Variants in NAALADL2 observed in about 807,000 individuals in gnomAD.
NAALADL2 encodes inactive N-acetylated-alpha-linked acidic dipeptidase-like protein 2.
A neutral mutation model predicts 87.2 loss-of-function variants in NAALADL2; 76 were observed. The ratio of observed to expected loss-of-function variants is 0.87; its 90% CI spans 0.72 to 1.05. NAALADL2 has a LOEUF of 1.05. NAALADL2 is among the 50% of genes least tolerant of loss of function. The probability of loss-of-function intolerance (pLI) is 0.00; values close to 1 mark genes in which losing one functional copy is unlikely to be tolerated. For synonymous variants in NAALADL2, 354 were observed against 331.0 expected (o/e 1.07, Z -0.75); for missense variants, 1,089 against 945.8 (o/e 1.15, Z -1.99).
chr3:174,740,166 T>C (rs1733628068), intron 3 of NAALADL2, among the ~76,000 whole-genome samples: 1 of 151,910 alleles, frequency 6.6e-6, no homozygotes, highest in South Asian at 2.1e-4. Flanking sequence ...GCAACAAACC[T>C]AATTTTTTAA....
At chr3:175,534,067 A>C (rs1734465191) in intron 9 of NAALADL2, among the ~76,000 whole-genome samples, 2 of 150,974 alleles carry the variant, frequency 1.3e-5, no homozygotes, top group Admixed American at 1.3e-4. Flanking sequence ...ATAATAAATA[A>C]ATTATTTATT....
intron 5 of NAALADL2, among the ~76,000 whole-genome samples, chr3:175,361,768 C>T (rs1765038971): frequency 1.3e-5 from 2 of 148,150 alleles, no homozygotes; most frequent in Admixed American, 6.9e-5. Flanking sequence ...CGGATATTAG[C>T]CCTTTGTCAG....
chr3:174,977,603 CT>C (rs1744534482), intron 1 of NAALADL2, among the ~76,000 whole-genome samples: 1 of 152,088 alleles, frequency 6.6e-6, no homozygotes. Flanking sequence ...AAGATGATGT[CT>C]TTTAGTTAAC....
intron 5 of NAALADL2, among the ~76,000 whole-genome samples, chr3:175,350,055 GAA>G (rs138836041): frequency 5.6e-5 from 8 of 142,448 alleles, no homozygotes; most frequent in Admixed American, 2.1e-4. Flanking sequence ...AGGCTTGATT[GAA>G]AAAAAAAAAA....
intron 1 of NAALADL2, among the ~76,000 whole-genome samples, chr3:174,523,770 A>G (rs1201887248): frequency 6.6e-6 from 1 of 151,838 alleles, no homozygotes; most frequent in African/African-American, 2.4e-5. Context: ...TGACTTTACT[A>G]CTCCTAAATT....
At chr3:175,311,679 G>A (rs1229226430) in intron 4 of NAALADL2, among the ~76,000 whole-genome samples, 1 of 116,552 alleles carries the variant, frequency 8.6e-6, no homozygotes, top group East Asian at 2.4e-4. Flanking sequence ...TTCCTTTCCT[G>A]CTTCCTTCCT....
intron 1 of NAALADL2, among the ~76,000 whole-genome samples, chr3:175,095,276 A>G (rs1192782195): frequency 6.6e-6 from 1 of 152,074 alleles, no homozygotes; most frequent in Non-Finnish European, 1.5e-5. Flanking sequence ...TTCTGCTAGA[A>G]TCAATCACCC....
intron 1 of NAALADL2, among the ~76,000 whole-genome samples, chr3:175,023,483 T>A (rs1308796556): frequency 2.6e-5 from 4 of 152,044 alleles, no homozygotes; most frequent in African/African-American, 4.8e-5. Flanking sequence ...GTTCCTGTTG[T>A]CCAGAAGAAA....
chr3:174,500,766 T>C (rs896517384), intron 1 of NAALADL2, among the ~76,000 whole-genome samples: 18 of 152,312 alleles, frequency 1.2e-4, no homozygotes, highest in Admixed American at 3.9e-4. Flanking sequence ...GTGAATTATA[T>C]TGATTACTTT....
At chr3:174,923,012 A>C (rs575793005) in intron 1 of NAALADL2, among the ~76,000 whole-genome samples, 1 of 152,130 alleles carries the variant, frequency 6.6e-6, no homozygotes, top group African/African-American at 2.4e-5. Context: ...AGATTATGCA[A>C]ACCTGAAGTT....
chr3:175,143,185 T>C, intron 2 of NAALADL2, among the ~76,000 whole-genome samples: 1 of 151,910 alleles, frequency 6.6e-6, no homozygotes. Context: ...CACATGTTCA[T>C]ACACACACTC....
rs1256176507 is a variant in NAALADL2 at position 175,707,944 on chromosome 3, C to T, written c.1897-29362C>T. Among the ~76,000 whole-genome samples the T allele has an allele frequency of 2.0e-5, 3 of 151,994 alleles. No individual in the cohort carries two copies. The East Asian group carries it at 5.8e-4, about 29-fold the overall frequency. The stretch of plus-strand genomic sequence containing the variant: ...ATATTCCAAGTTCAGGAAAAACCTC[C>T]TGGAAAACAGTGGTGTCAAACAGGG... On this transcript the variant is annotated intron_variant, in intron 11 of 13. Transcript: ENST00000454872.
At chr3:175,303,551 A>G (rs2110240043) in intron 4 of NAALADL2, among the ~76,000 whole-genome samples, 1 of 152,300 alleles carries the variant, frequency 6.6e-6, no homozygotes, top group African/African-American at 2.4e-5. Flanking sequence ...ATGAGTCTCC[A>G]TATTAGATAA....
intron 1 of NAALADL2, among the ~76,000 whole-genome samples, chr3:174,869,582 C>T (rs1328979054): frequency 6.6e-6 from 1 of 152,046 alleles, no homozygotes; most frequent in Non-Finnish European, 1.5e-5. Context: ...GCTGGATCTT[C>T]GAAGCAAAGG....
intron 2 of NAALADL2, among the ~76,000 whole-genome samples, chr3:174,699,832 A>G (rs1729382257): frequency 7.8e-6 from 1 of 128,554 alleles, no homozygotes; most frequent in South Asian, 2.5e-4. Context: ...CCTCATTTTA[A>G]GATGCTTTTT....
At chr3:174,569,086 G>T (rs184190253) in intron 2 of NAALADL2, among the ~76,000 whole-genome samples, 2 of 151,046 alleles carry the variant, frequency 1.3e-5, no homozygotes, top group African/African-American at 4.9e-5. Context: ...AAAATATGTC[G>T]TACTTGTTTG....
chr3:175,489,875 C>T (rs957456632), intron 9 of NAALADL2, among the ~76,000 whole-genome samples: 4 of 152,162 alleles, frequency 2.6e-5, no homozygotes, highest in African/African-American at 7.2e-5. Flanking sequence ...GTAATAGTCT[C>T]TACATTAGTA....
rs535791808 is a variant in NAALADL2 at position 175,308,631 on chromosome 3, G to A, written c.940-15544G>A. Reference sequence around the variant, plus strand: ...TCTCATCTCTTTAAATAATATCTAGGATTTGAATGACAATATACATGTGGG... The same window carrying A: ...TCTCATCTCTTTAAATAATATCTAGAATTTGAATGACAATATACATGTGGG... On this transcript the variant is annotated intron_variant, in intron 4 of 13. Transcript: ENST00000454872. Among the ~76,000 whole-genome samples the A allele has an allele frequency of 1.9e-4, 29 of 152,228 alleles. No individual in the cohort carries two copies. In the East Asian group the frequency reaches 4.2e-3, roughly 22 times the overall value.
chr3:174,874,738 G>A (rs1728261448), intron 1 of NAALADL2, among the ~76,000 whole-genome samples: 1 of 152,036 alleles, frequency 6.6e-6, no homozygotes, highest in Non-Finnish European at 1.5e-5. Context: ...CTATTTTTAT[G>A]AGTAGATGAA....
Sources: allele counts gnomAD v4.1 joint callset (sites outside exome capture counted in the v4.1 genomes callset), GRCh38; gene constraint gnomAD v4.1.1; transcripts MANE v1.5; gene names NCBI Gene and HGNC (gene_info 2026-07-23, HGNC 2026-07-21).